THEMIS: variants seen among roughly 807,000 people sequenced by gnomAD.
THEMIS encodes the protein protein THEMIS.
THEMIS carries 37 observed loss-of-function variants against 52.6 expected under a neutral mutation model. The observed-to-expected ratio is 0.70, with a 90% CI of 0.54 to 0.93. The LOEUF is 0.93. Among genes scored for constraint, THEMIS ranks in the 40% least tolerant of loss-of-function variants. The probability of loss-of-function intolerance (pLI) is 0.00; values close to 1 mark genes in which losing one functional copy is unlikely to be tolerated. For synonymous variants in THEMIS, 292 were observed against 272.7 expected (o/e 1.07, Z -0.70); for missense variants, 808 against 763.1 (o/e 1.06, Z -0.69).
In THEMIS at chr6:127,747,632, A is replaced by C. The variant is rs2114318805; in HGVS notation, c.1759-27809T>G. ...TCATGTTTGTTTATCCTTTTAAAAA[A>C]TCTTTTCCCATGATAATCATTTTTG... On this transcript the variant is annotated intron_variant, in intron 4 of 5. Transcript: ENST00000368248. Among the ~76,000 whole-genome samples the C allele has an allele frequency of 2.0e-5, 3 of 151,860 alleles. No homozygotes were observed. In the South Asian group the frequency reaches 6.2e-4, roughly 32 times the overall value.
chr6:127,770,975 T>G (rs1340647416), intron 4 of THEMIS, among the ~76,000 whole-genome samples: 1 of 152,156 alleles, frequency 6.6e-6, no homozygotes, highest in Non-Finnish European at 1.5e-5. Flanking sequence ...AAAGAGGAAG[T>G]CAAATTGTCC....
intron 1 of THEMIS, among the ~76,000 whole-genome samples, chr6:127,895,898 G>T (rs1007280297): frequency 8.0e-5 from 12 of 150,570 alleles, no homozygotes; most frequent in Non-Finnish European, 1.5e-4. Flanking sequence ...GCCTGGCTAG[G>T]ATATTACAAA....
intron 1 of THEMIS, among the ~76,000 whole-genome samples, chr6:127,911,277 A>C (rs1301403896): frequency 6.6e-6 from 1 of 151,302 alleles, no homozygotes; most frequent in Admixed American, 6.6e-5. Context: ...CTTACACTGT[A>C]GCTCCTTGAG....
intron 1 of THEMIS, among the ~76,000 whole-genome samples, chr6:127,911,359 T>G (rs1349233079): frequency 2.0e-5 from 3 of 150,974 alleles, no homozygotes; most frequent in Non-Finnish European, 4.4e-5. Flanking sequence ...CATTTATTTA[T>G]TTATTTATTT....
At chr6:127,722,895 A>T (rs975112044) in intron 4 of THEMIS, among the ~76,000 whole-genome samples, 1 of 152,048 alleles carries the variant, frequency 6.6e-6, no homozygotes, top group African/African-American at 2.4e-5. Flanking sequence ...CCATATCTAC[A>T]TAAACATTCT....
At chr6:127,785,817 G>A (rs1048163734) in intron 4 of THEMIS, among the ~76,000 whole-genome samples, 1 of 151,778 alleles carries the variant, frequency 6.6e-6, no homozygotes, top group Non-Finnish European at 1.5e-5. Flanking sequence ...TTAGAAAAGA[G>A]GGCAAAAGAC....
At chr6:127,787,337 T>G (rs1776986167) in intron 4 of THEMIS, among the ~76,000 whole-genome samples, 1 of 151,958 alleles carries the variant, frequency 6.6e-6, no homozygotes, top group South Asian at 2.1e-4. Flanking sequence ...GCTGGAAAAC[T>G]TGCATAGATC....
At chr6:127,850,881 G>A (rs1272700875) in intron 2 of THEMIS, among the ~76,000 whole-genome samples, 1 of 151,186 alleles carries the variant, frequency 6.6e-6, no homozygotes, top group African/African-American at 2.4e-5. Context: ...CTGAATCTAT[G>A]GAAATAATAA....
intron 1 of THEMIS, among the ~76,000 whole-genome samples, chr6:127,863,351 AC>A (rs752538842): frequency 2.7e-4 from 41 of 152,306 alleles, no homozygotes; most frequent in Non-Finnish European, 5.0e-4. Flanking sequence ...TTTTATTTGA[AC>A]ATCTTCAGTG....
At chr6:127,746,879 T>A (rs866529398) in intron 4 of THEMIS, among the ~76,000 whole-genome samples, 25 of 63,404 alleles carry the variant, frequency 3.9e-4, no homozygotes, top group Non-Finnish European at 4.9e-4. Context: ...ATATTATATA[T>A]AATTATATAT....
intron 2 of THEMIS, among the ~76,000 whole-genome samples, chr6:127,843,193 C>A (rs184478958): frequency 4.6e-5 from 7 of 151,960 alleles, no homozygotes; most frequent in East Asian, 1.9e-4. Flanking sequence ...TAGTTCAAAT[C>A]TTTTTAACAT....
intron 1 of THEMIS, among the ~76,000 whole-genome samples, chr6:127,908,635 A>T (rs1205523025): frequency 6.6e-6 from 1 of 152,144 alleles, no homozygotes; most frequent in Non-Finnish European, 1.5e-5. Context: ...GAAATAAAAA[A>T]TGAAGCCCTT....
intron 1 of THEMIS, among the ~76,000 whole-genome samples, chr6:127,886,251 A>G (rs1337865360): frequency 1.3e-5 from 2 of 152,142 alleles, no homozygotes; most frequent in African/African-American, 4.8e-5. Context: ...ATGGATTCAT[A>G]GTTAGGTTTA....
intron 2 of THEMIS, among the ~76,000 whole-genome samples, chr6:127,843,080 A>T (rs2114701383): frequency 6.6e-6 from 1 of 152,164 alleles, no homozygotes; most frequent in East Asian, 1.9e-4. Flanking sequence ...TACATGGTTT[A>T]AATCTATGAA....
At chr6:127,717,242 A>G (rs1425695267) in intron 5 of THEMIS, among the ~76,000 whole-genome samples, 2 of 151,838 alleles carry the variant, frequency 1.3e-5, no homozygotes, top group Non-Finnish European at 2.9e-5. Context: ...TAGTAACTCA[A>G]TTTTACAAAT....
At chr6:127,700,635 G>A in the THEMIS span, among the ~76,000 whole-genome samples, 2 of 151,958 alleles carry the variant, frequency 1.3e-5, no homozygotes, top group Non-Finnish European at 2.9e-5. Context: ...ATATTTATGA[G>A]ATCATCCCAA....
intron 3 of THEMIS, among the ~76,000 whole-genome samples, chr6:127,828,310 C>A (rs548038301): frequency 1.3e-5 from 2 of 152,326 alleles, no homozygotes; most frequent in Admixed American, 6.5e-5. Context: ...TTACTCATCT[C>A]AACTGCACAT....
At chr6:127,864,914 C>T (rs1238236971) in intron 1 of THEMIS, among the ~76,000 whole-genome samples, 1 of 152,150 alleles carries the variant, frequency 6.6e-6, no homozygotes, top group East Asian at 1.9e-4. Context: ...GAAAAAGGTG[C>T]ATAGGGCAGA....
intron 4 of THEMIS, among the ~76,000 whole-genome samples, chr6:127,784,312 C>G (rs1171056386): frequency 6.6e-6 from 1 of 152,010 alleles, no homozygotes; most frequent in Admixed American, 6.6e-5. Context: ...TGCAGCAGAT[C>G]ACTATGACAC....
Sources: gnomAD v4.1 joint callset for allele counts (sites outside exome capture counted in the v4.1 genomes callset) on GRCh38, gnomAD v4.1.1 for gene constraint, MANE v1.5 for transcripts, NCBI Gene and HGNC (gene_info 2026-07-23, HGNC 2026-07-21) for gene names.